SH2D3C: variants seen among roughly 807,000 people sequenced by gnomAD.
SH2D3C encodes the protein SH2 domain-containing protein 3C.
Under a neutral mutation model 75.2 loss-of-function variants are expected in SH2D3C, and 25 were observed. The ratio of observed to expected loss-of-function variants is 0.33; its 90% CI spans 0.24 to 0.46. SH2D3C has a LOEUF of 0.46. SH2D3C is among the 20% of genes least tolerant of loss of function. SH2D3C has a pLI of 1.00. For synonymous variants in SH2D3C, 450 were observed against 473.7 expected, an observed-to-expected ratio of 0.95 and a Z score of 0.65; for missense variants, 933 against 1,165.3, an observed-to-expected ratio of 0.80 and a Z score of 2.90.
rs762970812 is a variant in SH2D3C, at chr9:127,739,659, C to A, written c.2407+23G>T. 6.3e-7 allele frequency: 1 copy of A among 1,587,120 alleles called. No homozygotes were observed. Among genetic ancestry groups the A allele is most frequent in the East Asian group, 2.3e-5 (1 of 44,130 alleles). On this transcript the variant is annotated intron_variant, in intron 11 of 11. Coordinates refer to ENST00000314830, the MANE Select transcript of SH2D3C (RefSeq NM_170600.3). This position sits in a 1 kb window ranked among gnomAD's most constrained non-coding sequence, Gnocchi z 4.3. ...AGGGAGGCCCAGGCCTGCAAGCCCC[C>A]CAAGATGCCACCCGCCACTCACCCT...
Position 127,749,179 on chromosome 9 carries a change from A to G in SH2D3C, c.1139+32T>C. The G allele has an allele frequency of 1.4e-6, 2 of 1,476,952 alleles. No homozygotes were observed. Among genetic ancestry groups the G allele is most frequent in the Non-Finnish European group, 1.8e-6 (2 of 1,093,940 alleles). The allele number at this position is 1,476,952 out of a possible 1,614,324, so 91.5% of individuals were successfully genotyped here. ...TCTCACTAGCCCTCTCATTACCCAC[A>G]ACCCCATTTGACAAATGGGGCCCTG... is the stretch of plus-strand genomic sequence containing the variant. On this transcript the variant is annotated intron_variant, in intron 5 of 11. Transcript: ENST00000314830. The surrounding 1 kb of genome is among the most constrained non-coding windows in gnomAD (Gnocchi z 5.9).
intron 2 of SH2D3C, among the ~76,000 whole-genome samples, chr9:127,762,695 C>T (rs751225317): frequency 2.6e-5 from 4 of 152,200 alleles, no homozygotes; most frequent in African/African-American, 4.8e-5. Context: ...TTCCCTCGGG[C>T]TCCGTGTCCA....
intron 5 of SH2D3C, among the ~76,000 whole-genome samples, 175 bp from the exon 6 acceptor site, chr9:127,747,446 G>C (rs919092028): frequency 1.3e-5 from 2 of 152,168 alleles, no homozygotes; most frequent in African/African-American, 4.8e-5. Flanking sequence ...ATGAGGGAGG[G>C]GGCACAGCGA....
rs1353359620 is a variant in SH2D3C, at chr9:127,754,947, G to GC, written c.556-3648dup. The GC allele has an allele frequency of 0.016, 8,461 of 522,578 alleles. 130 individuals are homozygous for GC. Among genetic ancestry groups the GC allele is most frequent in the Non-Finnish European group, 0.016 (4,808 of 292,074 alleles). The allele number at this position is 522,578 out of a possible 1,614,324, so 32.4% of individuals were successfully genotyped here. A position where few individuals can be genotyped will look rare whatever the true frequency, so the allele number is the denominator to read the frequency against. On this transcript the variant is annotated intron_variant, in intron 3 of 11. Transcript: ENST00000314830. The surrounding 1 kb of genome is among the most constrained non-coding windows in gnomAD (Gnocchi z 4.4). ...GTGACCCCGCCCCCTCCCCGGGTCG[G>GC]CCGGGCCCAGCCCAGCCCGACCCTG...
At chr9:127,752,641 G>T (rs1845234691) in intron 3 of SH2D3C, among the ~76,000 whole-genome samples, 2 of 152,100 alleles carry the variant, frequency 1.3e-5, no homozygotes, top group African/African-American at 4.8e-5. Context: ...CTCCCATACT[G>T]CCTGGGTTTA....
At position 127,758,115 on chromosome 9, in the gene SH2D3C, A is replaced by C. The variant is rs144776128; in HGVS notation, c.555+3496T>G. Among the ~76,000 whole-genome samples, 331 of 151,986 alleles carry C rather than the reference A, an allele frequency of 2.2e-3. 1 individual carries two copies. Among genetic ancestry groups the C allele is most frequent in the Admixed American group, 5.0e-3 (77 of 15,252 alleles). Reference sequence around the variant, plus strand: ...ACAGGTGTGAGCCCAGGTGTGAGCCACCGCACCCAGCCTTCCCAGCTAATT... The same window carrying C: ...ACAGGTGTGAGCCCAGGTGTGAGCCCCCGCACCCAGCCTTCCCAGCTAATT... On this transcript the variant is annotated intron_variant, in intron 3 of 11. Coordinates refer to ENST00000314830, the MANE Select transcript of SH2D3C (RefSeq NM_170600.3).
rs183041946 is a variant in SH2D3C at position 127,764,343 on chromosome 9, G to A, written c.516-2693C>T. On this transcript the variant is annotated intron_variant, in intron 2 of 11. Transcript: ENST00000314830. ...CAATCACCATGTCCAGTTACAATCC[G>A]CTGCCATCACTTGCCTGGACTATCA... is the stretch of plus-strand genomic sequence containing the variant. 1.4e-4 allele frequency among the ~76,000 whole-genome samples: 22 copies of A among 152,204 alleles called. No individual in the cohort carries two copies. The East Asian group carries it at 4.2e-3, about 29-fold the overall frequency.
intron 2 of SH2D3C, chr9:127,767,105 C>T: frequency 2.6e-6 from 4 of 1,536,138 alleles, no homozygotes; most frequent in Middle Eastern, 1.7e-4. Flanking sequence ...ACATTCTGCT[C>T]CCTCTCCACC....
At chr9:127,771,068 AAAGTCCCTGATGCT>A in intron 2 of SH2D3C, 1 of 720,690 alleles carries the variant, frequency 1.4e-6, no homozygotes, top group Non-Finnish European at 2.2e-6. Flanking sequence ...CTGGCTTAGA[AAAGTCCCTGATGCT>A]AACCCCGCCC....
chr9:127,773,057 C>T (rs1434715052), intron 2 of SH2D3C, among the ~76,000 whole-genome samples: 1 of 151,808 alleles, frequency 6.6e-6, no homozygotes, highest in Non-Finnish European at 1.5e-5. Context: ...TGTTTTCAAA[C>T]TCCTAGCCTC....
intron 2 of SH2D3C, among the ~76,000 whole-genome samples, chr9:127,768,163 C>G (rs903160592): frequency 9.9e-5 from 15 of 152,182 alleles, no homozygotes; most frequent in Admixed American, 9.8e-4. Flanking sequence ...CACGGCCCAC[C>G]ACGACCCCCA....
At chr9:127,747,318 C>A in intron 5 of SH2D3C, 47 bp from the exon 6 acceptor site, 1 of 1,567,246 alleles carries the variant, frequency 6.4e-7, no homozygotes, top group South Asian at 1.2e-5. Flanking sequence ...AGGTCAGGGG[C>A]CTCAGCCTGC....
chr9:127,761,735 C>G, intron 2 of SH2D3C, 85 bp from the exon 3 acceptor site: 1 of 1,174,006 alleles, frequency 8.5e-7, no homozygotes, highest in Non-Finnish European at 1.2e-6. Flanking sequence ...CTGGGGCCAG[C>G]ACCTGGCCCT....
intron 3 of SH2D3C, among the ~76,000 whole-genome samples, chr9:127,757,352 C>A (rs1845410871): frequency 6.8e-6 from 1 of 147,826 alleles, no homozygotes; most frequent in Non-Finnish European, 1.5e-5. Context: ...CTCACTGCAG[C>A]ATTGACCTCC....
chr9:127,747,365 A>G, intron 5 of SH2D3C, 94 bp from the exon 6 acceptor site: 1 of 1,185,124 alleles, frequency 8.4e-7, no homozygotes, highest in Non-Finnish European at 1.2e-6. Context: ...TGAACTTCAG[A>G]GGCAGAGAAG....
chr9:127,770,970 T>C (rs1042634189), intron 2 of SH2D3C, among the ~76,000 whole-genome samples: 1 of 151,972 alleles, frequency 6.6e-6, no homozygotes, highest in African/African-American at 2.4e-5. Context: ...AAAATGGGGG[T>C]GATAGTAGTA....
At chr9:127,755,161 G>C (rs975223752) in intron 3 of SH2D3C, 4 of 1,217,314 alleles carry the variant, frequency 3.3e-6, no homozygotes, top group Middle Eastern at 3.2e-4. Context: ...CTCGGTCATG[G>C]TGGGGCCAGG....
chr9:127,761,137 G>A (rs1047582635), intron 3 of SH2D3C, among the ~76,000 whole-genome samples: 19 of 152,106 alleles, frequency 1.2e-4, no homozygotes, highest in Admixed American at 6.6e-5. Flanking sequence ...CACCGTGCCC[G>A]GCCAAAACTG....
intron 3 of SH2D3C, among the ~76,000 whole-genome samples, chr9:127,761,195 CT>C (rs1845516520): frequency 6.6e-6 from 1 of 152,210 alleles, no homozygotes; most frequent in African/African-American, 2.4e-5. Context: ...TTGGATAAAT[CT>C]GAGCTGTGCC....
Sources: allele counts gnomAD v4.1 joint callset (sites outside exome capture counted in the v4.1 genomes callset), GRCh38; gene constraint gnomAD v4.1.1; non-coding constraint Gnocchi (gnomAD v3.1); transcripts MANE v1.5; gene names NCBI Gene and HGNC (gene_info 2026-07-23, HGNC 2026-07-21).